The following HLCS variants were observed in gnomAD, a reference collection of about 807,000 sequenced individuals.
HLCS encodes biotin--protein ligase.
A neutral mutation model predicts 75.0 loss-of-function variants in HLCS; 53 were observed. The observed-to-expected ratio is 0.71, with a 90% CI of 0.57 to 0.89. The LOEUF (loss-of-function observed/expected upper bound fraction) is 0.89. HLCS is among the 40% of genes least tolerant of loss of function. The pLI is 0.00. For missense variants in HLCS, 966 were observed against 1,074.0 expected (o/e 0.90, Z 1.41); for synonymous variants, 431 against 428.6 (o/e 1.01, Z -0.07).
intron 6 of HLCS, among the ~76,000 whole-genome samples, chr21:36,849,363 A>C (rs1258042000): frequency 1.3e-5 from 2 of 152,278 alleles, no homozygotes; most frequent in Non-Finnish European, 2.9e-5. Context: ...AGGTAAAAAT[A>C]GAATTTGGTT....
intron 6 of HLCS, among the ~76,000 whole-genome samples, chr21:36,865,753 C>T (rs2063532996): frequency 6.6e-6 from 1 of 152,154 alleles, no homozygotes; most frequent in South Asian, 2.1e-4. Context: ...AGAATTATTC[C>T]CTATCATACA....
chr21:36,774,831 G>A (rs1242761665), intron 6 of HLCS, among the ~76,000 whole-genome samples: 7 of 152,170 alleles, frequency 4.6e-5, no homozygotes, highest in Non-Finnish European at 8.8e-5. Flanking sequence ...CTGGCTCTTC[G>A]GCTGACTTTG....
At chr21:36,757,638 A>G (rs2089654955) in intron 9 of HLCS, among the ~76,000 whole-genome samples, 1 of 152,220 alleles carries the variant, frequency 6.6e-6, no homozygotes, top group Non-Finnish European at 1.5e-5. Context: ...TTGTAACAAC[A>G]GCCTTCCCGG....
chr21:36,850,357 T>C (rs925805042), intron 6 of HLCS, among the ~76,000 whole-genome samples: 2 of 152,258 alleles, frequency 1.3e-5, no homozygotes. Flanking sequence ...TGTCTGGCCC[T>C]GTGTGGGGTT....
chr21:36,921,624 G>A (rs2066172656), intron 5 of HLCS, among the ~76,000 whole-genome samples: 1 of 152,132 alleles, frequency 6.6e-6, no homozygotes, highest in African/African-American at 2.4e-5. Flanking sequence ...AGGACCCAGC[G>A]ATCTAGCTGA....
chr21:36,823,313 C>T (rs1001864816), intron 6 of HLCS, among the ~76,000 whole-genome samples: 4 of 152,160 alleles, frequency 2.6e-5, no homozygotes, highest in Non-Finnish European at 5.9e-5. Flanking sequence ...TGGAATTACT[C>T]GCAGTTTGCC....
intron 6 of HLCS, among the ~76,000 whole-genome samples, chr21:36,854,605 A>G (rs1017185549): frequency 3.3e-5 from 5 of 152,168 alleles, no homozygotes; most frequent in Non-Finnish European, 5.9e-5. Flanking sequence ...GAGGAAGCAG[A>G]GGTCACAGGA....
At chr21:36,975,920 T>A (rs922828983) in intron 1 of HLCS, among the ~76,000 whole-genome samples, 4 of 152,222 alleles carry the variant, frequency 2.6e-5, no homozygotes, top group Admixed American at 6.5e-5. Context: ...TCAACAACTC[T>A]GCATGGTGAC....
chr21:36,935,790 T>A (rs950595153), intron 4 of HLCS, among the ~76,000 whole-genome samples: 2 of 152,200 alleles, frequency 1.3e-5, no homozygotes, highest in African/African-American at 4.8e-5. Context: ...AGCCAAAGGA[T>A]CTCCTACGCA....
At chr21:36,755,712 C>T (rs1434826179) in intron 10 of HLCS, among the ~76,000 whole-genome samples, 2 of 152,254 alleles carry the variant, frequency 1.3e-5, no homozygotes, top group East Asian at 3.8e-4. Flanking sequence ...TGTGCGCAGA[C>T]CTGACATTTT....
chr21:36,788,427 C>T (rs564850173), intron 6 of HLCS, among the ~76,000 whole-genome samples: 10 of 152,328 alleles, frequency 6.6e-5, no homozygotes, highest in Non-Finnish European at 4.4e-5. Context: ...CACTGGCCCA[C>T]GGAATGACCC....
chr21:36,802,248 T>C (rs1156659117), intron 6 of HLCS, among the ~76,000 whole-genome samples: 1 of 152,024 alleles, frequency 6.6e-6, no homozygotes, highest in Non-Finnish European at 1.5e-5. Context: ...GATTGCAGCA[T>C]AAGGGGAAAG....
At chr21:36,820,808 A>T (rs578019757) in intron 6 of HLCS, among the ~76,000 whole-genome samples, 6 of 152,250 alleles carry the variant, frequency 3.9e-5, no homozygotes, top group Non-Finnish European at 8.8e-5. Context: ...AGTCAAGGAC[A>T]ACCTGAAGCA....
intron 6 of HLCS, among the ~76,000 whole-genome samples, chr21:36,836,990 C>T (rs528980124): frequency 2.6e-5 from 4 of 152,216 alleles, no homozygotes; most frequent in African/African-American, 9.6e-5. Flanking sequence ...TCAAGACCAG[C>T]CTGGCCAACA....
intron 6 of HLCS, among the ~76,000 whole-genome samples, chr21:36,777,395 T>C (rs930195986): frequency 6.6e-6 from 1 of 152,266 alleles, no homozygotes; most frequent in African/African-American, 2.4e-5. Flanking sequence ...TTAGCTCTCA[T>C]GCGGCACGAA....
intron 5 of HLCS, among the ~76,000 whole-genome samples, chr21:36,923,989 G>C (rs970464150): frequency 1.3e-5 from 2 of 152,208 alleles, no homozygotes; most frequent in Non-Finnish European, 2.9e-5. Flanking sequence ...TTTAGCCGGT[G>C]CCGTATTGTA....
rs2146692124 is a variant in HLCS at position 36,966,554 on chromosome 21, G to C, written c.85C>G (p.Leu29Val). ...GTGAAGGAACAGCGCGAGGCACGCA[G>C]CCGCCGCACCGTGGCGCGCACGAGC... is the stretch of plus-strand genomic sequence containing the variant. The part of the protein sequence containing the change: ...AELVRATVRR[L>V]RASRCSFTFC... The change falls in exon 1 of 11, where the codon CTG becomes GTG. Residue 29 changes from leucine (L) to valine (V), a missense_variant. Transcript: ENST00000674895. The C allele has an allele frequency of 2.0e-6, 2 of 1,001,356 alleles. No homozygotes were observed. Among genetic ancestry groups the C allele is most frequent in the African/African-American group, 1.7e-5 (1 of 57,292 alleles). 62.0% of individuals were successfully genotyped at this position (1,001,356 alleles called of 1,614,324 possible). A position where few individuals can be genotyped will look rare whatever the true frequency, so the allele number is the denominator to read the frequency against.
rs567763213 is a variant in HLCS at position 36,887,823 on chromosome 21, C to T, written c.1892+9037G>A. On this transcript the variant is annotated intron_variant, in intron 6 of 10. Transcript: ENST00000674895. ...GCTAATATCCCATTAATTTGGGACA[C>T]TTACCAATGTATTTATTCTTTGCTC... Among the ~76,000 whole-genome samples, 26 of 152,354 alleles carry T rather than the reference C, an allele frequency of 1.7e-4. No homozygotes were observed. In the South Asian group the frequency reaches 2.9e-3, roughly 17 times the overall value.
At chr21:36,875,871 A>T (rs1013147744) in intron 6 of HLCS, among the ~76,000 whole-genome samples, 3 of 152,162 alleles carry the variant, frequency 2.0e-5, no homozygotes, top group African/African-American at 7.2e-5. Context: ...AGCCAGACCT[A>T]GGGGCTCCCC....
Sources: allele counts gnomAD v4.1 joint callset (sites outside exome capture counted in the v4.1 genomes callset), GRCh38; gene constraint gnomAD v4.1.1; transcripts MANE v1.5; gene names NCBI Gene and HGNC (gene_info 2026-07-23, HGNC 2026-07-21).